Variants in COL24A1 observed in about 807,000 individuals in gnomAD.
COL24A1 encodes collagen type XXIV alpha 1 chain.
A neutral mutation model predicts 253.9 loss-of-function variants in COL24A1; 224 were observed. The observed-to-expected ratio is 0.88, with a 90% confidence interval of 0.79 to 0.99. The LOEUF (loss-of-function observed/expected upper bound fraction) is 0.99, where lower values mean the gene tolerates loss of function less well. COL24A1 is among the 50% of genes least tolerant of loss of function. The pLI is 0.00. For missense variants in COL24A1, 2,131 were observed against 2,068.5 expected (o/e 1.03, Z -0.59); for synonymous variants, 685 against 673.7 (o/e 1.02, Z -0.26).
chr1:86,045,994 T>A (rs1409937025), intron 12 of COL24A1: 5 of 271,086 alleles, frequency 1.8e-5, no homozygotes, highest in Non-Finnish European at 3.7e-5. Context: ...AACTATCTGA[T>A]CTGAGCAAGT....
In COL24A1 at chr1:86,125,104, G is replaced by A; in HGVS notation, c.1232C>T (p.Ala411Val). 1.9e-6 allele frequency: 3 copies of A among 1,612,668 alleles called. No individual in the cohort carries two copies. The highest frequency in any genetic ancestry group is 2.5e-6 in the Non-Finnish European group (3 of 1,179,498). Residue 411 changes from alanine to valine, a missense_variant, in exon 3 of 60, where the codon GCT becomes GTT. By Grantham distance (64) the Ala-to-Val change is moderately conservative. Transcript: ENST00000370571. ...GTTAGTGTGTAGATTTGCTGTGATA[G>A]CCTTCTTGAGATTAGTAATTGTATC... ...KQDTITNLKK[A>V]ITANLHTNEL...
chr1:85,734,673 T>A, intron 59 of COL24A1, 76 bp downstream of exon 59: 2 of 1,334,554 alleles, frequency 1.5e-6, no homozygotes, highest in Non-Finnish European at 2.1e-6. Flanking sequence ...AGTCTTACTC[T>A]AATTATCCTA....
chr1:85,842,975 C>A (rs1558353912), intron 39 of COL24A1, among the ~76,000 whole-genome samples: 1 of 152,040 alleles, frequency 6.6e-6, no homozygotes, highest in South Asian at 2.1e-4. Flanking sequence ...ATGCCCTTAG[C>A]CTACTGAATA....
chr1:85,740,630 C>G (rs2389975), intron 57 of COL24A1, among the ~76,000 whole-genome samples: 134,998 of 151,664 alleles, frequency 0.89, 60,863 homozygotes, highest in Non-Finnish European at 0.97. Context: ...GCCAATTTTT[C>G]TATTTTTAGT....
chr1:86,079,643 A>G (rs1323690537), intron 7 of COL24A1, among the ~76,000 whole-genome samples: 2 of 152,206 alleles, frequency 1.3e-5, no homozygotes, highest in African/African-American at 2.4e-5. Context: ...ATTTGAACAG[A>G]TATTTTTCAA....
At chr1:86,066,117 C>G (rs1701457481) in intron 7 of COL24A1, among the ~76,000 whole-genome samples, 1 of 152,016 alleles carries the variant, frequency 6.6e-6, no homozygotes, top group South Asian at 2.1e-4. Flanking sequence ...GTGTGTATGT[C>G]AGACCAAGTC....
intron 24 of COL24A1, among the ~76,000 whole-genome samples, chr1:85,948,843 A>G (rs2100557367): frequency 6.6e-6 from 1 of 151,602 alleles, no homozygotes; most frequent in Non-Finnish European, 1.5e-5. Context: ...AGTATAATAA[A>G]AAATATATAT....
chr1:86,017,090 C>G (rs1026109915), intron 19 of COL24A1, 61 bp downstream of exon 19: 63 of 1,412,232 alleles, frequency 4.5e-5, no homozygotes, highest in Non-Finnish European at 6.0e-5. Context: ...CATGTTTTAT[C>G]AAACAAGTTT....
At chr1:85,731,391 A>C (rs1451187081) in intron 59 of COL24A1, among the ~76,000 whole-genome samples, 1 of 152,206 alleles carries the variant, frequency 6.6e-6, no homozygotes, top group Non-Finnish European at 1.5e-5. Context: ...TCATGATATA[A>C]ATTTTAAATT....
intron 53 of COL24A1, among the ~76,000 whole-genome samples, chr1:85,773,996 T>C (rs1668260225): frequency 1.3e-5 from 2 of 152,168 alleles, no homozygotes; most frequent in Non-Finnish European, 2.9e-5. Flanking sequence ...AGTATGATAT[T>C]GGCTGTGGGT....
At chr1:85,830,242 A>G (rs1246106982) in intron 43 of COL24A1, among the ~76,000 whole-genome samples, 1 of 152,118 alleles carries the variant, frequency 6.6e-6, no homozygotes, top group Non-Finnish European at 1.5e-5. Context: ...CTCGGGGGTC[A>G]GGGGTCAGGG....
At chr1:85,802,771 T>G (rs370139379) in intron 47 of COL24A1, among the ~76,000 whole-genome samples, 6 of 152,188 alleles carry the variant, frequency 3.9e-5, no homozygotes, top group East Asian at 3.9e-4. Context: ...GAAAACCCGA[T>G]TAGCTTTTTA....
At chr1:85,785,181 AT>A (rs1669554523) in intron 48 of COL24A1, among the ~76,000 whole-genome samples, 2 of 152,200 alleles carry the variant, frequency 1.3e-5, no homozygotes, top group Non-Finnish European at 2.9e-5. Flanking sequence ...TCAATAAAAA[AT>A]TTCCATTATC....
At chr1:85,826,868 CA>C (rs1674417848) in intron 43 of COL24A1, among the ~76,000 whole-genome samples, 1 of 152,190 alleles carries the variant, frequency 6.6e-6, no homozygotes, top group African/African-American at 2.4e-5. Flanking sequence ...ATGGCATCTG[CA>C]AAGAGGGACA....
At chr1:85,888,277 A>G (rs941749648) in intron 32 of COL24A1, among the ~76,000 whole-genome samples, 2 of 152,134 alleles carry the variant, frequency 1.3e-5, no homozygotes, top group African/African-American at 4.8e-5. Context: ...TTTACAAAAT[A>G]GATATCAGAT....
chr1:85,896,481 C>T, intron 28 of COL24A1, 72 bp from the exon 29 acceptor site: 1 of 1,238,130 alleles, frequency 8.1e-7, no homozygotes, highest in Non-Finnish European at 1.2e-6. Context: ...TATGTGTCCT[C>T]ACAGATGAAC....
At chr1:86,086,763 A>C (rs1369547770) in intron 7 of COL24A1, among the ~76,000 whole-genome samples, 1 of 152,206 alleles carries the variant, frequency 6.6e-6, no homozygotes, top group Non-Finnish European at 1.5e-5. Flanking sequence ...TATTCATATT[A>C]AAGTAAGACA....
chr1:85,880,354 T>C (rs928984531), intron 32 of COL24A1, among the ~76,000 whole-genome samples: 2 of 152,226 alleles, frequency 1.3e-5, no homozygotes, highest in African/African-American at 2.4e-5. Context: ...CTTTTGTATA[T>C]TAACTTATAC....
chr1:85,961,406 G>T (rs1396579976), intron 23 of COL24A1, 113 bp from the exon 24 acceptor site: 1 of 831,346 alleles, frequency 1.2e-6, no homozygotes, highest in Non-Finnish European at 1.9e-6. Flanking sequence ...CTAGAAAAAG[G>T]CAAAGGAAAT....
Sources: allele counts gnomAD v4.1 joint callset (sites outside exome capture counted in the v4.1 genomes callset), GRCh38; gene constraint gnomAD v4.1.1; transcripts MANE v1.5; gene names NCBI Gene and HGNC (gene_info 2026-07-23, HGNC 2026-07-21).